The following IRAG2 variants were observed in gnomAD, a reference collection of about 807,000 sequenced individuals.
The protein encoded by IRAG2 is inositol 1,4,5-triphosphate receptor associated 2, also known as lymphoid restricted membrane protein.
A neutral mutation model predicts 69.9 loss-of-function variants in IRAG2; 45 were observed. That is an observed-to-expected ratio of 0.64 (90% CI 0.51 to 0.83). The LOEUF (loss-of-function observed/expected upper bound fraction) is 0.83, where lower values mean the gene tolerates loss of function less well. Ranked by LOEUF, IRAG2 falls within the 40% of genes least tolerant of loss-of-function variation. The pLI is 0.00. For synonymous variants in IRAG2, 193 were observed against 202.4 expected (o/e 0.95, Z 0.40); for missense variants, 520 against 587.0 (o/e 0.89, Z 1.18).
intron 10 of IRAG2, among the ~76,000 whole-genome samples, chr12:25,030,516 A>G (rs1944661015): frequency 6.6e-6 from 1 of 152,052 alleles, no homozygotes; most frequent in Non-Finnish European, 1.5e-5. Flanking sequence ...CCTCCTGAGT[A>G]GCTGGGATTA....
upstream of IRAG2, among the ~76,000 whole-genome samples, chr12:25,049,065 T>A (rs148442819): frequency 2.1e-3 from 315 of 152,266 alleles, 1 homozygote; most frequent in African/African-American, 7.3e-3. Context: ...TGGTGTACAG[T>A]CCTATTTCTG....
chr12:25,039,422 G>A (rs1350842263), intron 16 of IRAG2, among the ~76,000 whole-genome samples: 1 of 152,184 alleles, frequency 6.6e-6, no homozygotes, highest in Non-Finnish European at 1.5e-5. Context: ...CTCCACAAAA[G>A]GCAGCGTCAA....
intron 9 of IRAG2, among the ~76,000 whole-genome samples, chr12:25,029,819 T>C (rs552930795): frequency 6.6e-6 from 1 of 152,328 alleles, no homozygotes; most frequent in East Asian, 1.9e-4. Flanking sequence ...TGCCTGAGAC[T>C]ACAGGCATGT....
chr12:25,079,835 A>C (rs144548544), intron 9 of IRAG2, 72 bp downstream of exon 9: 3 of 831,230 alleles, frequency 3.6e-6, no homozygotes, highest in Non-Finnish European at 4.0e-6. Context: ...TAGTGAAGTA[A>C]CTATCCACAC....
At chr12:25,089,881 T>C in intron 13 of IRAG2, 91 bp downstream of exon 13, 2 of 1,388,222 alleles carry the variant, frequency 1.4e-6, no homozygotes, top group Non-Finnish European at 2.0e-6. Context: ...AGCTCTCATA[T>C]GCTCGGTGTC....
intron 14 of IRAG2, chr12:25,093,431 T>A (rs1386354815): frequency 1.3e-5 from 2 of 153,024 alleles, no homozygotes; most frequent in Non-Finnish European, 2.9e-5. Flanking sequence ...TAGCCTCGTG[T>A]TGTTGGGTCT....
At chr12:25,106,293 A>T (rs1949103618) in intron 20 of IRAG2, among the ~76,000 whole-genome samples, 1 of 149,976 alleles carries the variant, frequency 6.7e-6, no homozygotes, top group Admixed American at 6.7e-5. Flanking sequence ...ACACACACGC[A>T]CACACAGGTA....
chr12:25,090,851 G>A (rs1254400452), intron 14 of IRAG2: 1 of 454,322 alleles, frequency 2.2e-6, no homozygotes, highest in Non-Finnish European at 4.4e-6. Flanking sequence ...TGAGCAATAG[G>A]AAATATCAAT....
chr12:25,025,466 G>A (rs1193408726), intron 8 of IRAG2, among the ~76,000 whole-genome samples: 1 of 152,134 alleles, frequency 6.6e-6, no homozygotes, highest in Non-Finnish European at 1.5e-5. Context: ...CAGACACAAG[G>A]GGCTTACACA....
chr12:25,027,600 T>C (rs1326769616), intron 9 of IRAG2, among the ~76,000 whole-genome samples: 1 of 152,092 alleles, frequency 6.6e-6, no homozygotes, highest in Non-Finnish European at 1.5e-5. Context: ...TTCACCATGT[T>C]AGCCAGGATG....
intron 2 of IRAG2, among the ~76,000 whole-genome samples, chr12:25,010,579 A>C (rs1944466525): frequency 6.6e-6 from 1 of 152,230 alleles, no homozygotes; most frequent in Non-Finnish European, 1.5e-5. Flanking sequence ...AAATAATGTT[A>C]AAGTTATTAA....
At chr12:25,032,445 A>G (rs553879245) in intron 12 of IRAG2, 3 of 398,598 alleles carry the variant, frequency 7.5e-6, no homozygotes, top group South Asian at 1.3e-4. Flanking sequence ...TGAGCTTTGT[A>G]TGTGCCACAT....
chr12:25,099,766 C>G (rs1164015284), intron 15 of IRAG2, among the ~76,000 whole-genome samples: 1 of 151,936 alleles, frequency 6.6e-6, no homozygotes, highest in Admixed American at 6.6e-5. Flanking sequence ...CCTTGGGAGG[C>G]CAAGATGGGC....
intron 7 of IRAG2, among the ~76,000 whole-genome samples, chr12:25,023,355 G>A (rs919926107): frequency 6.6e-6 from 1 of 151,918 alleles, no homozygotes; most frequent in Non-Finnish European, 1.5e-5. Context: ...ACCTACCCTT[G>A]AAATTTACTG....
At chr12:25,020,689 TG>T in intron 6 of IRAG2, 1 of 436,208 alleles carries the variant, frequency 2.3e-6, no homozygotes, top group Non-Finnish European at 3.8e-6. Flanking sequence ...AAGCCTTTAG[TG>T]GTTTTCAACT....
chr12:25,085,895 A>T (rs1356795687), intron 10 of IRAG2, among the ~76,000 whole-genome samples: 1 of 152,094 alleles, frequency 6.6e-6, no homozygotes, highest in Admixed American at 6.6e-5. Flanking sequence ...GCCTAACTAC[A>T]TTTTTTTTAG....
intron 7 of IRAG2, among the ~76,000 whole-genome samples, chr12:25,023,365 G>A (rs948676662): frequency 1.3e-5 from 2 of 151,904 alleles, no homozygotes; most frequent in Non-Finnish European, 2.9e-5. Flanking sequence ...GAAATTTACT[G>A]TTAACATTTT....
chr12:25,060,634 G>A (rs940470794), intron 1 of IRAG2, among the ~76,000 whole-genome samples: 1 of 151,470 alleles, frequency 6.6e-6, no homozygotes, highest in Non-Finnish European at 1.5e-5. Flanking sequence ...TTATCAGTAG[G>A]AGGTCAGACT....
intron 6 of IRAG2, among the ~76,000 whole-genome samples, chr12:25,077,677 A>G (rs1336585806): frequency 6.6e-6 from 1 of 152,028 alleles, no homozygotes; most frequent in African/African-American, 2.4e-5. Context: ...GTGTTTATAT[A>G]TAATCTTTAG....
Sources: gnomAD v4.1 joint callset for allele counts (sites outside exome capture counted in the v4.1 genomes callset) on GRCh38, gnomAD v4.1.1 for gene constraint, MANE v1.5 for transcripts, NCBI Gene and HGNC (gene_info 2026-07-23, HGNC 2026-07-21) for gene names.